Variants in SLCO1C1 observed in about 807,000 individuals in gnomAD.
The protein encoded by SLCO1C1 is solute carrier organic anion transporter family member 1C1, also known as OAT-RP-5.
In SLCO1C1, 70 loss-of-function variants were observed where a neutral mutation model predicts 76.4. The ratio of observed to expected loss-of-function variants is 0.92; its 90% CI spans 0.76 to 1.12. SLCO1C1 has a LOEUF of 1.12. SLCO1C1 is among the 50% of genes most tolerant of loss of function. The pLI is 0.00. For missense variants in SLCO1C1, 912 were observed against 823.8 expected (o/e 1.11, Z -1.31); for synonymous variants, 306 against 286.1 (o/e 1.07, Z -0.70).
At chr12:20,699,728 A>G in intron 2 of SLCO1C1, 23 bp downstream of exon 2, 1 of 1,594,116 alleles carries the variant, frequency 6.3e-7, no homozygotes, top group Non-Finnish European at 8.5e-7. Context: ...AGAAGTAAAT[A>G]GTGTTGATGC....
intron 7 of SLCO1C1, among the ~76,000 whole-genome samples, chr12:20,719,611 A>G (rs1947552860): frequency 6.6e-6 from 1 of 152,204 alleles, no homozygotes; most frequent in African/African-American, 2.4e-5. Flanking sequence ...AGTAGTCTGG[A>G]GAGAAGATTA....
In SLCO1C1 at chr12:20,731,605, T is replaced by G. The variant is rs570326470; in HGVS notation, c.1187-1304T>G. On this transcript the variant is annotated intron_variant, in intron 9 of 14. Coordinates refer to ENST00000266509, the MANE Select transcript of SLCO1C1 (RefSeq NM_017435.5). ...TAGCCCTTTTATTATTCGAAAGAGA[T>G]GTATTATCTCAAAACCTCAAGAAAA... 9.5e-4 allele frequency among the ~76,000 whole-genome samples: 144 copies of G among 152,338 alleles called. 2 individuals are homozygous for G. The highest frequency in any genetic ancestry group is 1.1e-3 in the Non-Finnish European group (77 of 68,022).
chr12:20,727,595 C>T (rs180856656), intron 9 of SLCO1C1, among the ~76,000 whole-genome samples: 14 of 152,172 alleles, frequency 9.2e-5, no homozygotes, highest in African/African-American at 1.2e-4. Flanking sequence ...CTGCAAGCTC[C>T]GCCTCGCGGG....
intron 6 of SLCO1C1, among the ~76,000 whole-genome samples, chr12:20,715,620 G>A (rs1947328031): frequency 6.6e-6 from 1 of 152,120 alleles, no homozygotes; most frequent in Non-Finnish European, 1.5e-5. Flanking sequence ...AAGCACTTAG[G>A]CATTTTAGTT....
rs1336083880 is a variant in SLCO1C1 at position 20,737,565 on chromosome 12, G to T, written c.1548+293G>T. On this transcript the variant is annotated intron_variant, in intron 11 of 14. Coordinates refer to ENST00000266509, the MANE Select transcript of SLCO1C1 (RefSeq NM_017435.5). Reference sequence around the variant, plus strand: ...GTGTTAGCCCTGAATTAGAATGTCTGTCGTATGATCATCATAATAAGATAT... The same window carrying T: ...GTGTTAGCCCTGAATTAGAATGTCTTTCGTATGATCATCATAATAAGATAT... 2.6e-5 allele frequency among the ~76,000 whole-genome samples: 4 copies of T among 152,180 alleles called. No homozygotes were observed. The East Asian group carries it at 5.8e-4, about 22-fold the overall frequency.
At chr12:20,729,158 T>G (rs1016572533) in intron 9 of SLCO1C1, among the ~76,000 whole-genome samples, 4 of 152,104 alleles carry the variant, frequency 2.6e-5, no homozygotes, top group African/African-American at 9.7e-5. Context: ...AAGAGAAGCC[T>G]GGGGAGGGAA....
chr12:20,732,748 T>C (rs1028712935), intron 9 of SLCO1C1, among the ~76,000 whole-genome samples, 161 bp from the exon 10 acceptor site: 2 of 152,160 alleles, frequency 1.3e-5, no homozygotes, highest in African/African-American at 2.4e-5. Context: ...ACCATTAATC[T>C]ATAACCTAGA....
chr12:20,695,950 A>C (rs1353169488), intron 1 of SLCO1C1, 143 bp downstream of exon 1: 1 of 152,126 alleles, frequency 6.6e-6, no homozygotes. Flanking sequence ...AGTTTGATGG[A>C]AATAAGAGAG....
intron 12 of SLCO1C1, among the ~76,000 whole-genome samples, chr12:20,741,735 GTT>G (rs1446283680): frequency 1.7e-5 from 2 of 116,008 alleles, no homozygotes; most frequent in Non-Finnish European, 4.2e-5. Flanking sequence ...AGAAGTCTCA[GTT>G]ATAATATTTT....
chr12:20,706,688 C>A (rs776491936), intron 4 of SLCO1C1, among the ~76,000 whole-genome samples: 1 of 151,996 alleles, frequency 6.6e-6, no homozygotes, highest in Non-Finnish European at 1.5e-5. Flanking sequence ...CATAGTTTAT[C>A]TTTTTTACTT....
At chr12:20,733,522 C>CTTA in intron 10 of SLCO1C1, among the ~76,000 whole-genome samples, 1 of 152,298 alleles carries the variant, frequency 6.6e-6, no homozygotes, top group Admixed American at 6.5e-5. Context: ...AGCAAGCTAA[C>CTTA]ATACATGAAA....
At chr12:20,716,153 T>C (rs1947351451) in intron 6 of SLCO1C1, among the ~76,000 whole-genome samples, 1 of 152,228 alleles carries the variant, frequency 6.6e-6, no homozygotes, top group Non-Finnish European at 1.5e-5. Flanking sequence ...GGCTATGCTC[T>C]GCAGGACTCC....
rs780034633 is a variant in SLCO1C1, at chr12:20,732,955, G to T, written c.1233G>T (p.Gly411=). The part of the protein sequence containing the change: ...PAVALGIFSG[G]IVMKKFRISV... ...TGGCCCTTGGAATATTCTCTGGGGGGATAGTTATGAAAAAATTCAGAATCA... is the reference window on the plus strand; with the variant it reads ...TGGCCCTTGGAATATTCTCTGGGGGTATAGTTATGAAAAAATTCAGAATCA... Residue 411 remains glycine (G), a synonymous_variant, in exon 10 of 15, where the codon GGG becomes GGT. Coordinates refer to ENST00000266509, the MANE Select transcript of SLCO1C1 (RefSeq NM_017435.5). 4 of 1,614,004 alleles carry T rather than the reference G, an allele frequency of 2.5e-6. No homozygotes were observed. The Admixed American group carries it at 5.0e-5, about 20-fold the overall frequency.
chr12:20,740,355 A>G lies in SLCO1C1; in HGVS notation c.1720A>G (p.Ile574Val). The G allele has an allele frequency of 6.2e-7, 1 of 1,612,744 alleles. No individual in the cohort carries two copies. Among genetic ancestry groups the G allele is most frequent in the African/African-American group, 1.3e-5 (1 of 74,994 alleles). ...ATCCCTAGGTGGCATACCTGGATAC[A>G]TATTACTTCTGAGGTGAGTACTGAT... is the stretch of plus-strand genomic sequence containing the variant. ...TLSLGGIPGY[I>V]LLLRCIKPQL... The change falls in exon 12 of 15, where the codon ATA becomes GTA. Residue 574 changes from isoleucine (I) to valine (V), a missense_variant. By Grantham distance (29) the Ile-to-Val change is conservative (BLOSUM62 3). Transcript: ENST00000266509.
In SLCO1C1 at chr12:20,752,523, C is replaced by A; in HGVS notation, c.2134C>A (p.Leu712Ile). 6.3e-7 allele frequency: 1 copy of A among 1,577,002 alleles called. No homozygotes were observed. Among genetic ancestry groups the A allele is most frequent in the Non-Finnish European group, 8.6e-7 (1 of 1,161,306 alleles). ...CTACTGGCCAGGCAAGGAAACTCAA[C>A]TTTAGAAACATGATGACTGGAAGTC... is the stretch of plus-strand genomic sequence containing the variant. ...PNYWPGKETQ[L>I] is the part of the protein sequence containing the mutation. Residue 712 changes from leucine to isoleucine, a missense_variant, in exon 15 of 15, where the codon CTT becomes ATT. Coordinates refer to ENST00000266509, the MANE Select transcript of SLCO1C1 (RefSeq NM_017435.5).
intron 14 of SLCO1C1, among the ~76,000 whole-genome samples, chr12:20,751,307 G>A (rs1949292044): frequency 2.0e-5 from 3 of 152,008 alleles, no homozygotes; most frequent in Non-Finnish European, 4.4e-5. Context: ...TCTCTGTGTG[G>A]GTGAGTGTAT....
chr12:20,718,627 A>C (rs1947500021), intron 7 of SLCO1C1, among the ~76,000 whole-genome samples: 1 of 152,108 alleles, frequency 6.6e-6, no homozygotes, highest in African/African-American at 2.4e-5. Flanking sequence ...TTTGGACTGG[A>C]GGGTGCAGAG....
At chr12:20,750,859 CACTA>C in intron 14 of SLCO1C1, 67 bp downstream of exon 14, 1 of 1,613,860 alleles carries the variant, frequency 6.2e-7, no homozygotes, top group South Asian at 1.1e-5. Context: ...ATGCCACTGA[CACTA>C]ACAAGTTTTC....
At chr12:20,701,896 A>G (rs1248750838) in intron 3 of SLCO1C1, among the ~76,000 whole-genome samples, 2 of 151,948 alleles carry the variant, frequency 1.3e-5, no homozygotes, top group Non-Finnish European at 2.9e-5. Context: ...GTTACATCAT[A>G]AAAGGGATTT....
Sources: gnomAD v4.1 joint callset for allele counts (sites outside exome capture counted in the v4.1 genomes callset) on GRCh38, gnomAD v4.1.1 for gene constraint, MANE v1.5 for transcripts, NCBI Gene and HGNC (gene_info 2026-07-23, HGNC 2026-07-21) for gene names.